Variants in APH1B observed in about 807,000 individuals in gnomAD.
APH1B encodes the protein aph-1B gamma-secretase subunit.
In APH1B, 27 loss-of-function variants were observed where a neutral mutation model predicts 28.2. The observed-to-expected ratio is 0.96, with a 90% CI of 0.70 to 1.32. The LOEUF is 1.32. Ranked by LOEUF, APH1B falls within the 40% of genes most tolerant of loss-of-function variation. The pLI, the probability that APH1B is intolerant of heterozygous loss-of-function variation, is 0.00. For synonymous variants in APH1B, 141 were observed against 124.6 expected, an observed-to-expected ratio of 1.13 and a Z score of -0.88; for missense variants, 305 against 313.6, an observed-to-expected ratio of 0.97 and a Z score of 0.21.
chr15:63,290,801 T>C (rs2038497106), intron 4 of APH1B, among the ~76,000 whole-genome samples: 1 of 152,202 alleles, frequency 6.6e-6, no homozygotes, highest in Non-Finnish European at 1.5e-5. Flanking sequence ...CGGCATCTTG[T>C]GGAGTCCTTT....
At chr15:63,295,614 A>G (rs1034437557) in intron 4 of APH1B, among the ~76,000 whole-genome samples, 2 of 152,334 alleles carry the variant, frequency 1.3e-5, no homozygotes, top group Middle Eastern at 3.4e-3. Flanking sequence ...TTGGGGGCTG[A>G]CATGTGTGTT....
rs761310628 is a variant in APH1B, at chr15:63,277,697, T to C, written c.74T>C (p.Ile25Thr). ...GPALALYVFT[I>T]ATEPLRIIFL... ...GCGCTCGCCCTTTATGTCTTCACCA[T>C]CGCCACCGAGCCGTTGCGTATCATC... The change falls in exon 1 of 6, where the codon ATC becomes ACC. Residue 25 changes from isoleucine (I) to threonine (T), a missense_variant. Transcript: ENST00000261879. 1 of 1,610,612 alleles carries C rather than the reference T, an allele frequency of 6.2e-7. No homozygotes were observed. The highest frequency in any genetic ancestry group is 2.3e-5 in the East Asian group (1 of 44,390).
In APH1B at chr15:63,305,874, T is replaced by C. The variant is rs1417244668; in HGVS notation, c.*93T>C. The C allele has an allele frequency of 6.8e-7, 1 of 1,461,164 alleles. No individual in the cohort carries two copies. The highest frequency in any genetic ancestry group is 9.2e-7 in the Non-Finnish European group (1 of 1,089,304). The allele number at this position is 1,461,164 out of a possible 1,614,324, so 90.5% of individuals were successfully genotyped here. A position where few individuals can be genotyped will look rare whatever the true frequency, so the allele number is the denominator to read the frequency against. ...CTGAAAATCCCTTTTTCTGGTGGAA[T>C]TGAGAAAGAAATAAAACTATGCAGA... On this transcript the variant is annotated 3_prime_UTR_variant, in exon 6 of 6. Coordinates refer to ENST00000261879, the MANE Select transcript of APH1B (RefSeq NM_031301.4).
Position 63,304,585 on chromosome 15 carries a change from A to G in APH1B, c.607-1029A>G, listed in dbSNP as rs2038666923. Among the ~76,000 whole-genome samples the G allele has an allele frequency of 6.6e-6, 1 of 152,140 alleles. No individual in the cohort carries two copies. The highest frequency in any genetic ancestry group is 6.5e-5 in the Admixed American group (1 of 15,278). ...GGTGAACAAAAGTTCTTAATTTTAT[A>G]TAGTCTGATCAGTTTTTCTCTTTAT... On this transcript the variant is annotated intron_variant, in intron 5 of 5. Coordinates refer to ENST00000261879, the MANE Select transcript of APH1B (RefSeq NM_031301.4). This position sits in a 1 kb window ranked among gnomAD's most constrained non-coding sequence, Gnocchi z 5.1.
In APH1B at chr15:63,305,952, CAGT is replaced by C. The variant is rs2038683775; in HGVS notation, c.*172_*174del. The C allele has an allele frequency of 7.3e-6, 6 of 826,762 alleles. No individual in the cohort carries two copies. The highest frequency in any genetic ancestry group is 7.2e-6 in the Non-Finnish European group (4 of 553,124). The allele number at this position is 826,762 out of a possible 1,614,324, so 51.2% of individuals were successfully genotyped here. A position where few individuals can be genotyped will look rare whatever the true frequency, so the allele number is the denominator to read the frequency against. ...ACAACTGCTCTCCGAAAGGGGTGCTCAGTGGTGTGCGTCCTGGCTGCACGAGAA... is the reference window on the plus strand; with the variant it reads ...ACAACTGCTCTCCGAAAGGGGTGCTCGGTGTGCGTCCTGGCTGCACGAGAA... On this transcript the variant is annotated 3_prime_UTR_variant, in exon 6 of 6. Coordinates refer to ENST00000261879, the MANE Select transcript of APH1B (RefSeq NM_031301.4).
intron 2 of APH1B, among the ~76,000 whole-genome samples, chr15:63,280,262 C>T (rs1201820937): frequency 1.3e-5 from 2 of 152,138 alleles, no homozygotes; most frequent in Non-Finnish European, 2.9e-5. Flanking sequence ...AGTAGGTCTT[C>T]TCTAGGACTC....
rs977750270 is a variant in APH1B, at chr15:63,278,155, G to T, written c.113+419G>T. ...CGACTTCCGCCTATTAGAATCACCTGTGGCCAGGTGCTTTAAAACATGCCG... is the reference window on the plus strand; with the variant it reads ...CGACTTCCGCCTATTAGAATCACCTTTGGCCAGGTGCTTTAAAACATGCCG... On this transcript the variant is annotated intron_variant, in intron 1 of 5. Transcript: ENST00000261879. The T allele has an allele frequency of 1.3e-5, 5 of 380,378 alleles. No individual in the cohort carries two copies. In the Admixed American group the frequency reaches 1.4e-4, roughly 10 times the overall value. 23.6% of individuals were successfully genotyped at this position (380,378 alleles called of 1,614,324 possible).
chr15:63,297,988 A>G (rs1230643601), intron 4 of APH1B, among the ~76,000 whole-genome samples: 1 of 152,190 alleles, frequency 6.6e-6, no homozygotes, highest in African/African-American at 2.4e-5. Flanking sequence ...TTGTGTTAAT[A>G]AAATGGTAAA....
intron 4 of APH1B, among the ~76,000 whole-genome samples, chr15:63,301,623 C>T (rs1265059315): frequency 3.3e-5 from 5 of 151,294 alleles, no homozygotes; most frequent in East Asian, 1.9e-4. Flanking sequence ...GCTCTGTTGC[C>T]GAGGCTGGAG....
intron 2 of APH1B, among the ~76,000 whole-genome samples, chr15:63,280,603 A>T (rs1242639392): frequency 6.6e-6 from 1 of 152,236 alleles, no homozygotes; most frequent in African/African-American, 2.4e-5. Context: ...TTAAATTAGG[A>T]ATTGAAATCC....
At chr15:63,286,025 C>T (rs2038441574) in intron 2 of APH1B, among the ~76,000 whole-genome samples, 1 of 152,178 alleles carries the variant, frequency 6.6e-6, no homozygotes, top group Admixed American at 6.5e-5. Context: ...CATTGGTAGG[C>T]AGCTTCTTTA....
chr15:63,305,727 C>G lies in APH1B; in HGVS notation c.720C>G (p.Leu240=), dbSNP rs751335715. 2 of 1,614,100 alleles carry G rather than the reference C, an allele frequency of 1.2e-6. No homozygotes were observed. The highest frequency in any genetic ancestry group is 1.7e-6 in the Non-Finnish European group (2 of 1,180,052). Residue 240 remains leucine, a synonymous_variant, in exon 6 of 6, where the codon CTC becomes CTG. Coordinates refer to ENST00000261879, the MANE Select transcript of APH1B (RefSeq NM_031301.4). ...GAGGCAGCTGCCGAAGCCTGAAACTCTGCCTGCTCTGCCAAGACAAGAACT... is the reference window on the plus strand; with the variant it reads ...GAGGCAGCTGCCGAAGCCTGAAACTGTGCCTGCTCTGCCAAGACAAGAACT... The part of the protein sequence containing the change: ...AAGGSCRSLK[L]CLLCQDKNFL...
rs753821606 is a variant in APH1B, at chr15:63,296,658, C to CTT, written c.479-5671_479-5670dup. Among the ~76,000 whole-genome samples, 98 of 137,428 alleles carry CTT rather than the reference C, an allele frequency of 7.1e-4. 3 individuals carry two copies. The highest frequency in any genetic ancestry group is 1.2e-3 in the South Asian group (5 of 4,322). 90.2% of individuals were successfully genotyped at this position (137,428 alleles called of 152,430 possible). The stretch of plus-strand genomic sequence containing the variant: ...AGGAGCCAAATAGTAAATGTTGTTT[C>CTT]TTTTTTTTTTTTTTTTTGAGACGGA... On this transcript the variant is annotated intron_variant, in intron 4 of 5. Coordinates refer to ENST00000261879, the MANE Select transcript of APH1B (RefSeq NM_031301.4).
At chr15:63,293,423 G>A (rs538062014) in intron 4 of APH1B, among the ~76,000 whole-genome samples, 62 of 151,470 alleles carry the variant, frequency 4.1e-4, no homozygotes, top group African/African-American at 1.5e-3. Flanking sequence ...TGCCTCAGCC[G>A]CCCAGATTGC....
chr15:63,297,189 G>A (rs1567031343), intron 4 of APH1B, among the ~76,000 whole-genome samples: 1 of 152,156 alleles, frequency 6.6e-6, no homozygotes, highest in Non-Finnish European at 1.5e-5. Flanking sequence ...AACTAACGTT[G>A]ATATTCTTAT....
intron 4 of APH1B, among the ~76,000 whole-genome samples, chr15:63,297,861 A>G (rs561379357): frequency 1.3e-5 from 2 of 152,224 alleles, no homozygotes; most frequent in Non-Finnish European, 2.9e-5. Flanking sequence ...ACGTCGTGAT[A>G]GTGAAGGCTG....
intron 4 of APH1B, among the ~76,000 whole-genome samples, chr15:63,297,899 G>A (rs750094993): frequency 3.3e-5 from 5 of 152,178 alleles, no homozygotes; most frequent in African/African-American, 7.2e-5. Flanking sequence ...ACCCGGAAAC[G>A]AGAGCTGACT....
At chr15:63,296,753 G>A (rs1379763854) in intron 4 of APH1B, among the ~76,000 whole-genome samples, 3 of 151,850 alleles carry the variant, frequency 2.0e-5, no homozygotes, top group African/African-American at 7.3e-5. Flanking sequence ...TGCCTCCTGG[G>A]TTCGAGCGAT....
rs750340905 is a variant in APH1B at position 63,304,146 on chromosome 15, G to A, written c.607-1468G>A. ...AATTATAGTAAAAGTTTTCATTTAC[G>A]TTTCCCTGATGATTAATAGGTTGAG... On this transcript the variant is annotated intron_variant, in intron 5 of 5. Coordinates refer to ENST00000261879, the MANE Select transcript of APH1B (RefSeq NM_031301.4). The surrounding 1 kb of genome is among the most constrained non-coding windows in gnomAD (Gnocchi z 5.1). 9.9e-5 allele frequency among the ~76,000 whole-genome samples: 15 copies of A among 152,208 alleles called. No individual in the cohort carries two copies. The highest frequency in any genetic ancestry group is 2.2e-4 in the African/African-American group (9 of 41,526).
Sources: gnomAD v4.1 joint callset for allele counts (sites outside exome capture counted in the v4.1 genomes callset) on GRCh38, gnomAD v4.1.1 for gene constraint, Gnocchi (gnomAD v3.1) non-coding constraint, MANE v1.5 for transcripts, NCBI Gene and HGNC (gene_info 2026-07-23, HGNC 2026-07-21) for gene names.